PCDH7: variants seen among roughly 807,000 people sequenced by gnomAD.
PCDH7 encodes protocadherin-7.
Under a neutral mutation model 58.9 loss-of-function variants are expected in PCDH7, and 17 were observed. That is an observed-to-expected ratio of 0.29 (90% CI 0.20 to 0.43). The LOEUF is 0.43. Among genes scored for constraint, PCDH7 ranks in the 20% least tolerant of loss-of-function variants. The pLI is 1.00. For missense variants in PCDH7, 1,274 were observed against 1,441.0 expected, an observed-to-expected ratio of 0.88 and a Z score of 1.88; for synonymous variants, 664 against 616.4, an observed-to-expected ratio of 1.08 and a Z score of -1.14.
intron 3 of PCDH7, among the ~76,000 whole-genome samples, chr4:30,993,498 A>C (rs1751626043): frequency 3.3e-5 from 5 of 152,200 alleles, no homozygotes; most frequent in African/African-American, 4.8e-5. Flanking sequence ...TGGTTCATAA[A>C]GTGTGATACT....
chr4:30,776,551 G>A (rs1025253511), intron 1 of PCDH7, among the ~76,000 whole-genome samples: 2 of 152,174 alleles, frequency 1.3e-5, no homozygotes, highest in Non-Finnish European at 2.9e-5. Context: ...TGAAACAAAT[G>A]AAGTAAATCA....
chr4:30,969,475 G>A (rs1352251384), intron 3 of PCDH7, among the ~76,000 whole-genome samples: 2 of 152,070 alleles, frequency 1.3e-5, no homozygotes, highest in Admixed American at 6.5e-5. Flanking sequence ...ATGAAGCAAC[G>A]TTTGGTTCCT....
intron 1 of PCDH7, among the ~76,000 whole-genome samples, chr4:30,778,480 A>G (rs187309587): frequency 2.2e-4 from 33 of 152,282 alleles, no homozygotes; most frequent in African/African-American, 7.7e-4. Flanking sequence ...AAATGAAAAT[A>G]TGACAAAGCT....
rs549512396 is a variant in PCDH7, at chr4:30,845,642, G to T, written c.71-74511G>T. Among the ~76,000 whole-genome samples, 10 of 152,214 alleles carry T rather than the reference G, an allele frequency of 6.6e-5. No homozygotes were observed. The South Asian group carries it at 1.7e-3, about 25-fold the overall frequency. On this transcript the variant is annotated intron_variant, in intron 1 of 3. Transcript: ENST00000509759. ...AGACAAGGTCTACTTCTGTCATCCAGGCTGGAGTATGCAGTGGTGCAGTCA... is the reference window on the plus strand; with the variant it reads ...AGACAAGGTCTACTTCTGTCATCCATGCTGGAGTATGCAGTGGTGCAGTCA...
At chr4:30,748,200 CT>C (rs1175921321) in intron 1 of PCDH7, among the ~76,000 whole-genome samples, 1 of 152,112 alleles carries the variant, frequency 6.6e-6, no homozygotes, top group Non-Finnish European at 1.5e-5. Flanking sequence ...AAATACTCTG[CT>C]TGTTGGATGT....
At chr4:31,037,449 T>TC (rs1755512419) in intron 3 of PCDH7, among the ~76,000 whole-genome samples, 1 of 152,162 alleles carries the variant, frequency 6.6e-6, no homozygotes, top group Non-Finnish European at 1.5e-5. Flanking sequence ...ATCTCCCTGG[T>TC]CCCACTACAC....
intron 3 of PCDH7, among the ~76,000 whole-genome samples, chr4:31,136,724 T>A (rs191257786): frequency 2.6e-5 from 4 of 152,284 alleles, no homozygotes; most frequent in Admixed American, 6.5e-5. Context: ...TGAACTGTGA[T>A]GTGTTTGCCT....
intron 3 of PCDH7, among the ~76,000 whole-genome samples, chr4:31,076,268 A>G (rs1758982823): frequency 6.6e-6 from 1 of 152,218 alleles, no homozygotes; most frequent in South Asian, 2.1e-4. Context: ...TTCTGCATCC[A>G]GGATATAATG....
intron 1 of PCDH7, among the ~76,000 whole-genome samples, chr4:30,806,037 A>G (rs1376831512): frequency 2.0e-5 from 3 of 152,176 alleles, no homozygotes; most frequent in Admixed American, 2.0e-4. Flanking sequence ...TCCAGCAAAC[A>G]TTTCCTTTGA....
intron 1 of PCDH7, among the ~76,000 whole-genome samples, chr4:30,863,286 C>A (rs1734447240): frequency 6.6e-6 from 1 of 152,058 alleles, no homozygotes; most frequent in Non-Finnish European, 1.5e-5. Flanking sequence ...TCTCAAACCA[C>A]TGAATGTGGC....
At chr4:31,069,899 C>T (rs903897156) in intron 3 of PCDH7, among the ~76,000 whole-genome samples, 4 of 101,066 alleles carry the variant, frequency 4.0e-5, no homozygotes, top group Non-Finnish European at 8.4e-5. Context: ...GTTCTCTCAA[C>T]AGATCAGCTC....
intron 1 of PCDH7, among the ~76,000 whole-genome samples, chr4:30,909,505 CA>C (rs1196093551): frequency 6.6e-6 from 1 of 152,150 alleles, no homozygotes; most frequent in African/African-American, 2.4e-5. Flanking sequence ...AATCAATGTG[CA>C]AAAATCACAA....
At chr4:30,772,323 T>G (rs1163137936) in intron 1 of PCDH7, among the ~76,000 whole-genome samples, 1 of 152,224 alleles carries the variant, frequency 6.6e-6, no homozygotes, top group East Asian at 1.9e-4. Context: ...ATGCTAAAGT[T>G]GGGAATACAT....
chr4:31,030,591 A>G (rs1294347560), intron 3 of PCDH7, among the ~76,000 whole-genome samples: 2 of 151,832 alleles, frequency 1.3e-5, no homozygotes, highest in African/African-American at 2.4e-5. Flanking sequence ...TAAGAAAAAA[A>G]CAAGTAGAAA....
chr4:31,114,125 C>A (rs1384869028), intron 3 of PCDH7, among the ~76,000 whole-genome samples: 3 of 152,138 alleles, frequency 2.0e-5, no homozygotes, highest in Non-Finnish European at 4.4e-5. Flanking sequence ...TGAGCCACTG[C>A]AGCCGGCCTA....
In PCDH7 at chr4:30,721,274, G is replaced by A. The variant is rs895306347; in HGVS notation, c.-149G>A. The A allele has an allele frequency of 5.6e-6, 4 of 720,288 alleles. No homozygotes were observed. Among genetic ancestry groups the A allele is most frequent in the African/African-American group, 5.5e-5 (3 of 54,476 alleles). 44.6% of individuals were successfully genotyped at this position (720,288 alleles called of 1,614,324 possible). A position where few individuals can be genotyped will look rare whatever the true frequency, so the allele number is the denominator to read the frequency against. On this transcript the variant is annotated 5_prime_UTR_variant, in exon 1 of 2. Transcript: ENST00000361762. This position sits in a 1 kb window ranked among gnomAD's most constrained non-coding sequence, Gnocchi z 6.7. ...CCATTCCCGGCCAACTCTCCACGCCGCTTTTGCCCCCTCCCTCCCCTCCCT... is the reference window on the plus strand; with the variant it reads ...CCATTCCCGGCCAACTCTCCACGCCACTTTTGCCCCCTCCCTCCCCTCCCT...
chr4:30,972,570 A>T (rs1450183202), intron 3 of PCDH7, among the ~76,000 whole-genome samples: 1 of 152,324 alleles, frequency 6.6e-6, no homozygotes, highest in Admixed American at 6.5e-5. Flanking sequence ...TCTTACAAAG[A>T]GTGAGGTAAT....
chr4:30,747,901 T>G (rs886329262), intron 1 of PCDH7, among the ~76,000 whole-genome samples: 24 of 152,158 alleles, frequency 1.6e-4, no homozygotes, highest in Admixed American at 9.2e-4. Context: ...TCAGGCTTTC[T>G]TTTTTTCTGT....
intron 1 of PCDH7, among the ~76,000 whole-genome samples, chr4:30,725,701 A>G (rs1336783563): frequency 6.6e-6 from 1 of 152,122 alleles, no homozygotes; most frequent in Non-Finnish European, 1.5e-5. Flanking sequence ...CTCAAGAAAC[A>G]CAGTTATGAT....
Sources: allele counts gnomAD v4.1 joint callset (sites outside exome capture counted in the v4.1 genomes callset), GRCh38; gene constraint gnomAD v4.1.1; non-coding constraint Gnocchi (gnomAD v3.1); transcripts MANE v1.5; gene names NCBI Gene and HGNC (gene_info 2026-07-23, HGNC 2026-07-21).